TCP11L2: variants seen among roughly 807,000 people sequenced by gnomAD.
The protein encoded by TCP11L2 is t-complex 11 like 2, also known as T-complex protein 11-like protein 2.
A neutral mutation model predicts 50.7 loss-of-function variants in TCP11L2; 39 were observed. The ratio of observed to expected loss-of-function variants is 0.77; its 90% CI spans 0.60 to 1.01. TCP11L2 has a LOEUF of 1.01. Among genes scored for constraint, TCP11L2 ranks in the 50% least tolerant of loss-of-function variants. TCP11L2 has a pLI of 0.00. For synonymous variants in TCP11L2, 192 were observed against 219.3 expected, an observed-to-expected ratio of 0.88 and a Z score of 1.10; for missense variants, 612 against 614.7, an observed-to-expected ratio of 1.00 and a Z score of 0.05.
chr12:106,297,972 G>A (rs2034374162), upstream of TCP11L2, among the ~76,000 whole-genome samples: 3 of 152,210 alleles, frequency 2.0e-5, no homozygotes, highest in Non-Finnish European at 2.9e-5. Context: ...GTGGTGCCCA[G>A]GTAAGAGGAA....
At position 106,346,280 on chromosome 12, in the gene TCP11L2, C is replaced by CA; in HGVS notation, c.1316-6_1316-5insA. Reference sequence around the variant, plus strand: ...ACAGATAAAAGTATCTTTTTTTCCCCTTCAGATAAACGAATTAAGCTTTAC... The same window carrying CA: ...ACAGATAAAAGTATCTTTTTTTCCCCATTCAGATAAACGAATTAAGCTTTAC... On this transcript the variant is annotated splice_polypyrimidine_tract_variant and splice_region_variant and intron_variant, in intron 9 of 9. Transcript: ENST00000299045. The CA allele has an allele frequency of 1.3e-6, 2 of 1,588,088 alleles. No homozygotes were observed. The highest frequency in any genetic ancestry group is 1.7e-6 in the Non-Finnish European group (2 of 1,167,902).
chr12:106,314,955 CTCA>C (rs1277000753), intron 3 of TCP11L2, among the ~76,000 whole-genome samples: 9 of 149,594 alleles, frequency 6.0e-5, no homozygotes, highest in Admixed American at 3.3e-4. Flanking sequence ...GCAGTGAGCT[CTCA>C]TCATGCCACT....
At chr12:106,300,576 T>G (rs1367481690), upstream of TCP11L2, among the ~76,000 whole-genome samples, 4 of 152,180 alleles carry the variant, frequency 2.6e-5, no homozygotes, top group Admixed American at 6.5e-5. Flanking sequence ...GTGATCCACC[T>G]GCCTCGGCCT....
chr12:106,329,990 A>C, intron 6 of TCP11L2: 1 of 985,516 alleles, frequency 1.0e-6, no homozygotes, highest in Non-Finnish European at 1.2e-6. Flanking sequence ...TCCAAGAAGA[A>C]TTTCAGTCTC....
intron 3 of TCP11L2, 30 bp downstream of exon 3, chr12:106,314,523 C>T: frequency 6.4e-7 from 1 of 1,574,350 alleles, no homozygotes; most frequent in Non-Finnish European, 8.7e-7. Context: ...TGTATATAAA[C>T]TGCTGAAGAT....
chr12:106,305,632 A>G (rs1037150034), intron 1 of TCP11L2, among the ~76,000 whole-genome samples: 4 of 152,186 alleles, frequency 2.6e-5, no homozygotes, highest in Admixed American at 2.0e-4. Context: ...ATGCAGCTGT[A>G]CTCACTGAGC....
chr12:106,320,276 T>C (rs1250865803), intron 4 of TCP11L2, among the ~76,000 whole-genome samples: 1 of 152,012 alleles, frequency 6.6e-6, no homozygotes, highest in African/African-American at 2.4e-5. Context: ...TGCACCCCTG[T>C]AATCCCAGCT....
Position 106,340,887 on chromosome 12 carries a change from A to C in TCP11L2, c.1204A>C (p.Lys402Gln). 6.2e-7 allele frequency: 1 copy of C among 1,613,750 alleles called. No homozygotes were observed. The highest frequency in any genetic ancestry group is 8.5e-7 in the Non-Finnish European group (1 of 1,179,818). Residue 402 changes from lysine to glutamine, a missense_variant, in exon 9 of 10, where the codon AAG becomes CAG. Physicochemically the swap from Lys to Gln is moderately conservative, Grantham distance 53. Coordinates refer to ENST00000299045, the MANE Select transcript of TCP11L2 (RefSeq NM_152772.3). ...TATTCAGACTTGTGTTGAGGTTAACAAGACCCTGATGGAAAGAGGTTTACC... is the reference window on the plus strand; with the variant it reads ...TATTCAGACTTGTGTTGAGGTTAACCAGACCCTGATGGAAAGAGGTTTACC... ...IGIQTCVEVN[K>Q]TLMERGLPTL... is the part of the protein sequence containing the mutation.
intron 4 of TCP11L2, among the ~76,000 whole-genome samples, chr12:106,321,104 T>C (rs188684913): frequency 2.0e-4 from 31 of 152,378 alleles, no homozygotes; most frequent in African/African-American, 7.2e-4. Flanking sequence ...TTAACCGTTG[T>C]TTATATCAAT....
intron 8 of TCP11L2, among the ~76,000 whole-genome samples, chr12:106,336,448 C>T (rs1006531646): frequency 5.9e-5 from 9 of 151,838 alleles, no homozygotes; most frequent in African/African-American, 2.2e-4. Context: ...AGTATTTCCA[C>T]TTACAATGAA....
chr12:106,302,398 CCCCCGCTCAGCCCCCGCT>C (rs2034447057), upstream of TCP11L2, among the ~76,000 whole-genome samples: 6 of 81,568 alleles, frequency 7.4e-5, no homozygotes, highest in Admixed American at 4.7e-4. Context: ...CCCCGCTCAG[CCCCCGCTCAGCCCCCGCT>C]CCCCCACTCG....
rs1259210593 is a variant in TCP11L2 at position 106,344,517 on chromosome 12, A to C, written c.1316-1769A>C. ...TTGAAGGATGCCTCTGATTCTGGGCAGAGATGAGATGAAATGAGATGAGAT... is the reference window on the plus strand; with the variant it reads ...TTGAAGGATGCCTCTGATTCTGGGCCGAGATGAGATGAAATGAGATGAGAT... On this transcript the variant is annotated intron_variant, in intron 9 of 9. Coordinates refer to ENST00000299045, the MANE Select transcript of TCP11L2 (RefSeq NM_152772.3). Among the ~76,000 whole-genome samples, 4 of 152,234 alleles carry C rather than the reference A, an allele frequency of 2.6e-5. No individual in the cohort carries two copies. In the East Asian group the frequency reaches 7.7e-4, roughly 29 times the overall value.
chr12:106,307,518 T>C (rs2034680401), intron 1 of TCP11L2: 1 of 152,218 alleles, frequency 6.6e-6, no homozygotes, highest in Non-Finnish European at 1.5e-5. Flanking sequence ...TAAAGGATAA[T>C]CCAAAATAGT....
At chr12:106,307,693 T>TCATGA (rs2136609630) in intron 1 of TCP11L2, among the ~76,000 whole-genome samples, 1 of 152,296 alleles carries the variant, frequency 6.6e-6, no homozygotes, top group East Asian at 1.9e-4. Flanking sequence ...TTTTTGTCTG[T>TCATGA]CAAACAAGTG....
intron 3 of TCP11L2, among the ~76,000 whole-genome samples, chr12:106,314,834 T>C (rs903078856): frequency 1.3e-5 from 2 of 151,524 alleles, no homozygotes; most frequent in African/African-American, 4.9e-5. Context: ...ACCCCATCTC[T>C]GTAAAAAATA....
At chr12:106,337,447 C>T (rs1802580114) in intron 8 of TCP11L2, among the ~76,000 whole-genome samples, 1 of 152,202 alleles carries the variant, frequency 6.6e-6, no homozygotes, top group Non-Finnish European at 1.5e-5. Context: ...AGGACCAAGA[C>T]CTATAATGAA....
intron 6 of TCP11L2, chr12:106,329,989 A>G: frequency 1.0e-6 from 1 of 985,526 alleles, no homozygotes; most frequent in Non-Finnish European, 1.2e-6. Flanking sequence ...GTCCAAGAAG[A>G]ATTTCAGTCT....
chr12:106,300,252 G>A (rs779189809), upstream of TCP11L2, among the ~76,000 whole-genome samples: 6 of 151,944 alleles, frequency 3.9e-5, no homozygotes, highest in Non-Finnish European at 5.9e-5. Context: ...AGCCCTCTGA[G>A]CAACAATGTG....
Position 106,336,695 on chromosome 12 carries a change from G to A in TCP11L2, c.1142+482G>A, listed in dbSNP as rs186552852. On this transcript the variant is annotated intron_variant, in intron 8 of 9. Coordinates refer to ENST00000299045, the MANE Select transcript of TCP11L2 (RefSeq NM_152772.3). ...AGCCTCCCAAGTAGCTGGGACTACA[G>A]GCATGCGCCGCCACGCCCAGCTAAT... Among the ~76,000 whole-genome samples the A allele has an allele frequency of 9.7e-3, 1,476 of 152,188 alleles. 22 individuals are homozygous for A. Among genetic ancestry groups the A allele is most frequent in the African/African-American group, 0.032 (1,349 of 41,516 alleles).
Sources: allele counts gnomAD v4.1 joint callset (sites outside exome capture counted in the v4.1 genomes callset), GRCh38; gene constraint gnomAD v4.1.1; transcripts MANE v1.5; gene names NCBI Gene and HGNC (gene_info 2026-07-23, HGNC 2026-07-21).